MED22: variants seen among roughly 807,000 people sequenced by gnomAD.
MED22 encodes mediator of RNA polymerase II transcription subunit 22.
Under a neutral mutation model 22.7 loss-of-function variants are expected in MED22, and 22 were observed. The ratio of observed to expected loss-of-function variants is 0.97; its 90% CI spans 0.69 to 1.38. The LOEUF is 1.38. Among genes scored for constraint, MED22 ranks in the 40% most tolerant of loss-of-function variants. The pLI is 0.00. For missense variants in MED22, 247 were observed against 263.0 expected (o/e 0.94, Z 0.42); for synonymous variants, 134 against 119.4 (o/e 1.12, Z -0.80).
rs1006853539 is a variant in MED22 at position 133,338,925 on chromosome 9, C to T, written c.*2580G>A. Reference sequence around the variant, plus strand: ...ACTCCAAAATAACAACCAAATGCAACACACAATAAAAACAGGCATAAAAGC... The same window carrying T: ...ACTCCAAAATAACAACCAAATGCAATACACAATAAAAACAGGCATAAAAGC... On this transcript the variant is annotated 3_prime_UTR_variant, in exon 5 of 5. Transcript: ENST00000343730. 8 of 573,178 alleles carry T rather than the reference C, an allele frequency of 1.4e-5. No homozygotes were observed. Among genetic ancestry groups the T allele is most frequent in the South Asian group, 2.9e-5 (2 of 69,610 alleles). 35.5% of individuals were successfully genotyped at this position (573,178 alleles called of 1,614,324 possible). A position where few individuals can be genotyped will look rare whatever the true frequency, so the allele number is the denominator to read the frequency against.
Position 133,348,099 on chromosome 9 carries a change from C to CA in MED22, c.-217_-216insT. ...AACCTAGTCAGCCGCCGCAGCCTCT[C>CA]GGCCCCGCCTCGATTTTTAGCTTTA... On this transcript the variant is annotated 5_prime_UTR_variant, in exon 1 of 5. Coordinates refer to ENST00000343730, the MANE Select transcript of MED22 (RefSeq NM_133640.5). 2 of 1,220,984 alleles carry CA rather than the reference C, an allele frequency of 1.6e-6. No individual in the cohort carries two copies. Among genetic ancestry groups the CA allele is most frequent in the Non-Finnish European group, 2.4e-6 (2 of 834,554 alleles). 75.6% of individuals were successfully genotyped at this position (1,220,984 alleles called of 1,614,324 possible).
chr9:133,343,745 G>GA, intron 4 of MED22: 1 of 1,300,272 alleles, frequency 7.7e-7, no homozygotes, highest in South Asian at 2.9e-5. Flanking sequence ...AGCCTTGGCT[G>GA]AAATCTCTAC....
chr9:133,341,788 A>G (rs2129950934), intron 4 of MED22, 94 bp from the exon 5 acceptor site: 49 of 1,523,696 alleles, frequency 3.2e-5, no homozygotes, highest in Middle Eastern at 1.8e-4. Flanking sequence ...AGTTAAGAAA[A>G]CACGACCACA....
chr9:133,343,820 C>G, intron 4 of MED22: 2 of 1,404,394 alleles, frequency 1.4e-6, no homozygotes, highest in Non-Finnish European at 1.8e-6. Context: ...GAGGAAGGCT[C>G]TCGGAAGAGG....
intron 2 of MED22, among the ~76,000 whole-genome samples, chr9:133,345,999 A>G (rs2129966757): frequency 6.6e-6 from 1 of 152,362 alleles, no homozygotes; most frequent in Non-Finnish European, 1.5e-5. Context: ...TCAGCAGAAC[A>G]GGCACAGATA....
chr9:133,345,098 C>G (rs1389853760), intron 3 of MED22, 74 bp downstream of exon 3: 2 of 1,461,700 alleles, frequency 1.4e-6, no homozygotes, highest in Non-Finnish European at 1.9e-6. Flanking sequence ...AGAGCCCCCT[C>G]CACTCCACCC....
Position 133,346,621 on chromosome 9 carries a change from C to G in MED22, c.42G>C (p.Leu14=). 6.2e-7 allele frequency: 1 copy of G among 1,612,846 alleles called. No individual in the cohort carries two copies. The highest frequency in any genetic ancestry group is 8.5e-7 in the Non-Finnish European group (1 of 1,180,012). ...QRALPQSKET[L]LQSYNKRLKD... is the part of the protein sequence containing the mutation. ...TCAGCCGCTTGTTGTAGGACTGCAG[C>G]AGCGTCTCCTTGCTCTGGGGCAGGG... The change falls in exon 2 of 5, where the codon CTG becomes CTC. Residue 14 remains leucine (L), a synonymous_variant. Coordinates refer to ENST00000343730, the MANE Select transcript of MED22 (RefSeq NM_133640.5).
chr9:133,345,365 C>A, intron 2 of MED22, 113 bp from the exon 3 acceptor site: 2 of 1,009,302 alleles, frequency 2.0e-6, no homozygotes, highest in South Asian at 1.4e-5. Flanking sequence ...CCACACTGGC[C>A]ACAACCTGTC....
intron 4 of MED22, chr9:133,341,957 G>T (rs1421826536): frequency 4.8e-5 from 60 of 1,260,844 alleles, no homozygotes; most frequent in Non-Finnish European, 5.8e-5. Flanking sequence ...ACCTCAGCAG[G>T]CCCTTCCTGC....
In MED22 at chr9:133,338,712, G is replaced by C. The variant is rs998260994; in HGVS notation, c.*2793C>G. On this transcript the variant is annotated 3_prime_UTR_variant, in exon 5 of 5. Coordinates refer to ENST00000343730, the MANE Select transcript of MED22 (RefSeq NM_133640.5). ...CCGCCTTGGCCTCCCAAAGTGCTGG[G>C]GTTGCAGGCGTAAGCCACCGCGCCC... 1.7e-5 allele frequency: 5 copies of C among 297,858 alleles called. No homozygotes were observed. The highest frequency in any genetic ancestry group is 1.3e-4 in the South Asian group (4 of 31,760). 18.5% of individuals were successfully genotyped at this position (297,858 alleles called of 1,614,324 possible).
At chr9:133,346,171 A>T (rs1381714254) in intron 2 of MED22, among the ~76,000 whole-genome samples, 2 of 152,288 alleles carry the variant, frequency 1.3e-5, no homozygotes, top group Admixed American at 1.3e-4. Context: ...TGCAGGCCCC[A>T]GTGCTGACCG....
chr9:133,348,070 C>G lies in MED22; in HGVS notation c.-187G>C. 4 of 914,928 alleles carry G rather than the reference C, an allele frequency of 4.4e-6. No homozygotes were observed. The highest frequency in any genetic ancestry group is 2.3e-4 in the Middle Eastern group (1 of 4,418). 56.7% of individuals were successfully genotyped at this position (914,928 alleles called of 1,614,324 possible). A position where few individuals can be genotyped will look rare whatever the true frequency, so the allele number is the denominator to read the frequency against. ...CTCTCTTCCCCGCCGCGCCGCGGTC[C>G]GAAAACCTAGTCAGCCGCCGCAGCC... On this transcript the variant is annotated 5_prime_UTR_variant, in exon 1 of 5. Transcript: ENST00000343730.
chr9:133,343,074 C>T, intron 4 of MED22: 1 of 995,348 alleles, frequency 1.0e-6, no homozygotes. Context: ...TTAATGAGTA[C>T]TGGGGACCAA....
Position 133,341,425 on chromosome 9 carries a change from C to A in MED22, c.*80G>T. On this transcript the variant is annotated 3_prime_UTR_variant, in exon 5 of 5. Coordinates refer to ENST00000343730, the MANE Select transcript of MED22 (RefSeq NM_133640.5). ...TGAAGTCCCCAAATGGGAACCTAGG[C>A]TGAGAGAAGCAAGGCTGTGAGGGCA... The A allele has an allele frequency of 4.3e-6, 6 of 1,383,462 alleles. No homozygotes were observed. The highest frequency in any genetic ancestry group is 4.7e-6 in the Non-Finnish European group (5 of 1,065,308). The allele number at this position is 1,383,462 out of a possible 1,614,324, so 85.7% of individuals were successfully genotyped here. A position where few individuals can be genotyped will look rare whatever the true frequency, so the allele number is the denominator to read the frequency against.
intron 4 of MED22, chr9:133,342,587 G>T: frequency 1.0e-6 from 1 of 986,488 alleles, no homozygotes; most frequent in Non-Finnish European, 1.2e-6. Context: ...GCGCCCTTTG[G>T]GGGACCAGCA....
chr9:133,341,811 CT>C, intron 4 of MED22, 117 bp from the exon 5 acceptor site: 1 of 1,461,260 alleles, frequency 6.8e-7, no homozygotes, highest in Non-Finnish European at 9.0e-7. Flanking sequence ...CCAGACCTGC[CT>C]TTCCCTTTCT....
At chr9:133,343,971 A>G (rs1033743981) in intron 4 of MED22, 154 bp downstream of exon 4, 4 of 1,461,596 alleles carry the variant, frequency 2.7e-6, no homozygotes, top group Non-Finnish European at 3.6e-6. Context: ...CTGTCGGTCA[A>G]ACGCTCTGGC....
At chr9:133,342,158 G>A (rs1356549819) in intron 4 of MED22, 10 of 994,574 alleles carry the variant, frequency 1.0e-5, no homozygotes, top group African/African-American at 1.7e-5. Context: ...CTGAGACTTA[G>A]CCTGAAGGGG....
chr9:133,343,127 G>A, intron 4 of MED22: 1 of 1,025,952 alleles, frequency 9.7e-7, no homozygotes, highest in Non-Finnish European at 1.2e-6. Flanking sequence ...GACTGCTGCA[G>A]CTCAGCAGTG....
Sources: allele counts gnomAD v4.1 joint callset (sites outside exome capture counted in the v4.1 genomes callset), GRCh38; gene constraint gnomAD v4.1.1; transcripts MANE v1.5; gene names NCBI Gene and HGNC (gene_info 2026-07-23, HGNC 2026-07-21).